KDM5B: variants seen among roughly 807,000 people sequenced by gnomAD.
KDM5B encodes lysine-specific demethylase 5B.
A neutral mutation model predicts 193.4 loss-of-function variants in KDM5B; 144 were observed. That is an observed-to-expected ratio of 0.74 (90% CI 0.65 to 0.86). The LOEUF (loss-of-function observed/expected upper bound fraction) is 0.86. Among genes scored for constraint, KDM5B ranks in the 40% least tolerant of loss-of-function variants. KDM5B has a pLI of 0.00. For missense variants in KDM5B, 1,833 were observed against 1,886.9 expected (o/e 0.97, Z 0.53); for synonymous variants, 668 against 682.6 (o/e 0.98, Z 0.33).
chr1:202,731,104 G>C, intron 24 of KDM5B, 41 bp from the exon 25 acceptor site: 1 of 1,518,206 alleles, frequency 6.6e-7, no homozygotes, highest in Non-Finnish European at 8.9e-7. Context: ...AACAACAAAG[G>C]GTGTTTCACA....
At chr1:202,731,438 T>C (rs1460473418) in intron 24 of KDM5B, among the ~76,000 whole-genome samples, 2 of 152,162 alleles carry the variant, frequency 1.3e-5, no homozygotes, top group African/African-American at 4.8e-5. Flanking sequence ...CTAACCACAT[T>C]ACTAGACATA....
At chr1:202,741,216 G>C in intron 19 of KDM5B, 151 bp downstream of exon 19, 2 of 522,274 alleles carry the variant, frequency 3.8e-6, no homozygotes, top group Non-Finnish European at 6.5e-6. Flanking sequence ...TCCCAAAGCA[G>C]CTCCAAATAT....
At position 202,724,714 on chromosome 1, in the gene KDM5B, T is replaced by C. The variant is rs1413461867; in HGVS notation, c.*4322A>G. 6.7e-6 allele frequency: 1 copy of C among 148,880 alleles called. No homozygotes were observed. The highest frequency in any genetic ancestry group is 1.5e-5 in the Non-Finnish European group (1 of 67,306). The allele number at this position is 148,880 out of a possible 1,614,324, so 9.2% of individuals were successfully genotyped here. ...TTATTAACTGTTGAACTACTTGTCC[T>C]GATCATACACAGAAGGGGCTTGTGT... On this transcript the variant is annotated 3_prime_UTR_variant, in exon 27 of 27. Coordinates refer to ENST00000367265, the MANE Select transcript of KDM5B (RefSeq NM_006618.5).
rs1320617015 is a variant in KDM5B at position 202,804,705 on chromosome 1, A to C, written c.204+3397T>G. The stretch of plus-strand genomic sequence containing the variant: ...TTTGATTTAAACCTTCTCCGGACAC[A>C]AAGAAGAAATCTGTGGAATCTAGGC... On this transcript the variant is annotated intron_variant, in intron 1 of 26. Transcript: ENST00000367265. Among the ~76,000 whole-genome samples, 4 of 152,060 alleles carry C rather than the reference A, an allele frequency of 2.6e-5. No individual in the cohort carries two copies. The East Asian group carries it at 7.7e-4, about 29-fold the overall frequency.
intron 16 of KDM5B, among the ~76,000 whole-genome samples, chr1:202,743,946 G>A (rs564907654): frequency 2.0e-5 from 3 of 152,160 alleles, no homozygotes; most frequent in Admixed American, 6.5e-5. Context: ...AAGATTTCAT[G>A]AAGATGCCAA....
chr1:202,784,878 A>G (rs779918872), intron 1 of KDM5B, among the ~76,000 whole-genome samples: 4 of 152,170 alleles, frequency 2.6e-5, no homozygotes, highest in Non-Finnish European at 5.9e-5. Flanking sequence ...TACAAAAAAT[A>G]CAAAAATTGG....
intron 24 of KDM5B, 73 bp from the exon 25 acceptor site, chr1:202,731,136 C>A: frequency 7.9e-7 from 1 of 1,263,040 alleles, no homozygotes; most frequent in Non-Finnish European, 1.1e-6. Context: ...GTTTATGAGA[C>A]AAATAGAAGG....
At chr1:202,804,209 A>G (rs569524745) in intron 1 of KDM5B, among the ~76,000 whole-genome samples, 13 of 152,258 alleles carry the variant, frequency 8.5e-5, no homozygotes, top group South Asian at 2.1e-4. Context: ...CCACTGAATT[A>G]CACATCATAA....
In KDM5B at chr1:202,753,086, A is replaced by C; in HGVS notation, c.1539-19T>G. 1 of 1,600,302 alleles carries C rather than the reference A, an allele frequency of 6.2e-7. No homozygotes were observed. On this transcript the variant is annotated intron_variant, in intron 11 of 26. Coordinates refer to ENST00000367265, the MANE Select transcript of KDM5B (RefSeq NM_006618.5). ...CTCACCCCTGGAAATAGATTATAAA[A>C]ATAAATCAATCTGCAACACCAACAC...
chr1:202,780,889 C>T (rs1287778136), intron 1 of KDM5B, among the ~76,000 whole-genome samples: 1 of 151,892 alleles, frequency 6.6e-6, no homozygotes, highest in Admixed American at 6.6e-5. Flanking sequence ...TTTGCGCCAA[C>T]CTAATAACAT....
chr1:202,730,130 C>G, intron 25 of KDM5B, 103 bp from the exon 26 acceptor site: 1 of 991,210 alleles, frequency 1.0e-6, no homozygotes, highest in Non-Finnish European at 1.4e-6. Flanking sequence ...GATGATCCCC[C>G]AATCTACACG....
intron 14 of KDM5B, among the ~76,000 whole-genome samples, chr1:202,746,776 T>C (rs574653363): frequency 7.9e-5 from 12 of 152,338 alleles, no homozygotes; most frequent in African/African-American, 2.9e-4. Context: ...AAGACTATCG[T>C]GCAGAAATTG....
At chr1:202,775,130 A>G (rs1254967763) in intron 2 of KDM5B, among the ~76,000 whole-genome samples, 3 of 151,572 alleles carry the variant, frequency 2.0e-5, no homozygotes, top group Admixed American at 1.3e-4. Context: ...CCAGCTACTC[A>G]GGAGGCTGAG....
At chr1:202,790,220 G>A (rs1488727777) in intron 1 of KDM5B, among the ~76,000 whole-genome samples, 1 of 151,396 alleles carries the variant, frequency 6.6e-6, no homozygotes, top group African/African-American at 2.4e-5. Context: ...CCGAGATCAC[G>A]CCACTGCACC....
intron 23 of KDM5B, among the ~76,000 whole-genome samples, chr1:202,732,652 A>G (rs1471378228): frequency 1.3e-5 from 2 of 152,110 alleles, no homozygotes; most frequent in African/African-American, 4.8e-5. Flanking sequence ...CATCTTATCA[A>G]CAATTTAACT....
intron 1 of KDM5B, among the ~76,000 whole-genome samples, chr1:202,778,209 C>T (rs113711025): frequency 0.02 from 2,981 of 152,012 alleles, 88 homozygotes; most frequent in African/African-American, 0.067. Context: ...TATGTATACT[C>T]GTATAGACAA....
At chr1:202,806,476 A>G (rs1002257267) in intron 1 of KDM5B, 1 of 152,252 alleles carries the variant, frequency 6.6e-6, no homozygotes, top group Non-Finnish European at 1.5e-5. Flanking sequence ...TTGCACTAAG[A>G]GAAACGTACT....
intron 20 of KDM5B, among the ~76,000 whole-genome samples, chr1:202,738,691 C>CT (rs1001790817): frequency 2.1e-4 from 32 of 149,734 alleles, no homozygotes; most frequent in Admixed American, 6.7e-4. Context: ...GAACTTGAGA[C>CT]TTTTTTTTTT....
At chr1:202,806,717 A>G (rs1658307242) in intron 1 of KDM5B, 1 of 152,156 alleles carries the variant, frequency 6.6e-6, no homozygotes, top group South Asian at 2.1e-4. Flanking sequence ...TTTCCAAAAC[A>G]TAACGATTAC....
Sources: allele counts gnomAD v4.1 joint callset (sites outside exome capture counted in the v4.1 genomes callset), GRCh38; gene constraint gnomAD v4.1.1; transcripts MANE v1.5; gene names NCBI Gene and HGNC (gene_info 2026-07-23, HGNC 2026-07-21).